CTNNA2: variants seen among roughly 807,000 people sequenced by gnomAD.
CTNNA2 encodes the protein catenin alpha 2.
Under a neutral mutation model 101.0 loss-of-function variants are expected in CTNNA2, and 42 were observed. The ratio of observed to expected loss-of-function variants is 0.42; its 90% CI spans 0.32 to 0.54. CTNNA2 has a LOEUF of 0.54. Among genes scored for constraint, CTNNA2 ranks in the 20% least tolerant of loss-of-function variants. The pLI is 0.14. For synonymous variants in CTNNA2, 450 were observed against 456.4 expected (o/e 0.99, Z 0.18); for missense variants, 871 against 1,223.1 (o/e 0.71, Z 4.29).
chr2:80,170,958 A>C (rs1400291140), intron 7 of CTNNA2, among the ~76,000 whole-genome samples: 2 of 152,186 alleles, frequency 1.3e-5, no homozygotes, highest in Non-Finnish European at 1.5e-5. Flanking sequence ...GTTTAATAAA[A>C]CTAGGTGCTC....
At chr2:79,649,369 C>A (rs759925236) in intron 1 of CTNNA2, 2 of 154,732 alleles carry the variant, frequency 1.3e-5, no homozygotes, top group Non-Finnish European at 2.9e-5. Context: ...TCCTACAGAA[C>A]TTCCGTGTTC....
intron 1 of CTNNA2, among the ~76,000 whole-genome samples, chr2:79,597,365 C>T (rs1020700424): frequency 1.3e-5 from 2 of 151,178 alleles, no homozygotes; most frequent in East Asian, 2.0e-4. Flanking sequence ...CCAGCTACTC[C>T]GGAGGCTGAG....
At chr2:80,560,416 C>G (rs1356426865) in intron 12 of CTNNA2, among the ~76,000 whole-genome samples, 3 of 152,146 alleles carry the variant, frequency 2.0e-5, no homozygotes, top group African/African-American at 7.2e-5. Context: ...TGACCTTAAA[C>G]AAATCAGTTA....
At chr2:80,337,092 A>ACCC (rs1296437735) in intron 7 of CTNNA2, among the ~76,000 whole-genome samples, 1 of 152,136 alleles carries the variant, frequency 6.6e-6, no homozygotes, top group Non-Finnish European at 1.5e-5. Context: ...ACGGTGGCTT[A>ACCC]CCCCTGTAAT....
intron 7 of CTNNA2, among the ~76,000 whole-genome samples, chr2:79,956,612 C>T (rs146489452): frequency 2.2e-3 from 340 of 152,164 alleles, no homozygotes; most frequent in Non-Finnish European, 3.9e-3. Flanking sequence ...TAAGCTTTAG[C>T]GATGAGAGAG....
At chr2:79,234,726 T>A (rs1674534924) in intron 2 of CTNNA2, among the ~76,000 whole-genome samples, 1 of 152,254 alleles carries the variant, frequency 6.6e-6, no homozygotes, top group Non-Finnish European at 1.5e-5. Flanking sequence ...TTGTTCATTT[T>A]GTAAAATTCT....
chr2:80,201,068 C>G (rs1707176147), intron 7 of CTNNA2, among the ~76,000 whole-genome samples: 1 of 152,108 alleles, frequency 6.6e-6, no homozygotes, highest in Admixed American at 6.5e-5. Context: ...CTGCACACAT[C>G]CTCTCATTTA....
At chr2:79,336,424 C>A (rs142787943) in intron 3 of CTNNA2, among the ~76,000 whole-genome samples, 93 of 152,242 alleles carry the variant, frequency 6.1e-4, no homozygotes, top group African/African-American at 2.0e-3. Context: ...CTTATGATAG[C>A]CTTGCCATAT....
intron 1 of CTNNA2, among the ~76,000 whole-genome samples, chr2:79,589,429 C>T (rs1676702281): frequency 6.6e-6 from 1 of 152,190 alleles, no homozygotes; most frequent in African/African-American, 2.4e-5. Flanking sequence ...CCTTTATATA[C>T]TTAATAAAAT....
At chr2:79,413,744 A>T (rs550373426) in intron 4 of CTNNA2, among the ~76,000 whole-genome samples, 5 of 151,998 alleles carry the variant, frequency 3.3e-5, no homozygotes, top group African/African-American at 1.2e-4. Flanking sequence ...CATATTTTTG[A>T]TAATAGCTGG....
rs186948229 is a variant in CTNNA2 at position 80,538,374 on chromosome 2, T to G, written c.1291-6608T>G. 4.1e-3 allele frequency among the ~76,000 whole-genome samples: 623 copies of G among 152,358 alleles called. 6 individuals are homozygous for G. The highest frequency in any genetic ancestry group is 0.014 in the African/African-American group (591 of 41,586). On this transcript the variant is annotated intron_variant, in intron 9 of 18. Coordinates refer to ENST00000402739, the MANE Select transcript of CTNNA2 (RefSeq NM_001282597.3). ...TGGTTTTGGGTTTTACATTTAAGTC[T>G]TTAATCCATCTTGAGTTAATTTTTG...
At chr2:79,879,114 A>G (rs188028409) in intron 6 of CTNNA2, among the ~76,000 whole-genome samples, 13 of 152,294 alleles carry the variant, frequency 8.5e-5, no homozygotes, top group African/African-American at 3.1e-4. Context: ...AGATTTGTCA[A>G]AGATCAGATG....
At chr2:80,247,651 G>A (rs936673421) in intron 7 of CTNNA2, among the ~76,000 whole-genome samples, 1 of 151,938 alleles carries the variant, frequency 6.6e-6, no homozygotes, top group Non-Finnish European at 1.5e-5. Flanking sequence ...CTCAAACCTT[G>A]TTTTTCCATT....
chr2:79,338,591 T>TCTTCTTCTTCTC (rs1677056332), intron 3 of CTNNA2, among the ~76,000 whole-genome samples: 1 of 137,558 alleles, frequency 7.3e-6, no homozygotes, highest in Non-Finnish European at 1.5e-5. Context: ...TTCTTCTTCT[T>TCTTCTTCTTCTC]CTTCTTCTTC....
intron 7 of CTNNA2, among the ~76,000 whole-genome samples, chr2:80,105,104 G>A (rs1700796566): frequency 6.6e-6 from 1 of 152,166 alleles, no homozygotes; most frequent in African/African-American, 2.4e-5. Context: ...AGGACCAGGA[G>A]TTGCCTAAAT....
rs1225980733 is a variant in CTNNA2 at position 80,383,096 on chromosome 2, C to T, written c.1057-10115C>T. Among the ~76,000 whole-genome samples, 3 of 152,094 alleles carry T rather than the reference C, an allele frequency of 2.0e-5. No homozygotes were observed. In the East Asian group the frequency reaches 5.8e-4, roughly 29 times the overall value. On this transcript the variant is annotated intron_variant, in intron 7 of 18. Coordinates refer to ENST00000402739, the MANE Select transcript of CTNNA2 (RefSeq NM_001282597.3). ...TTAACCCCAGCTTTTAGCAATCACC[C>T]AAGCTCAGGGGGTTGGCACTATGAA...
chr2:80,035,921 A>G (rs139632541), intron 7 of CTNNA2, among the ~76,000 whole-genome samples: 123 of 152,302 alleles, frequency 8.1e-4, no homozygotes, highest in African/African-American at 2.7e-3. Context: ...GGCCAATTCA[A>G]TTTCCTCCTA....
intron 7 of CTNNA2, among the ~76,000 whole-genome samples, chr2:79,996,615 G>A (rs1163592100): frequency 6.6e-6 from 1 of 152,146 alleles, no homozygotes; most frequent in Non-Finnish European, 1.5e-5. Context: ...GAGCACTTGA[G>A]CACTTATACA....
rs193142140 is a variant in CTNNA2 at position 79,894,234 on chromosome 2, C to G, written c.853-15360C>G. 1.8e-3 allele frequency among the ~76,000 whole-genome samples: 275 copies of G among 152,160 alleles called. 3 individuals are homozygous for G. Among genetic ancestry groups the G allele is most frequent in the African/African-American group, 6.3e-3 (261 of 41,494 alleles). On this transcript the variant is annotated intron_variant, in intron 6 of 18. Transcript: ENST00000402739. ...TATGAATTCAGTTCCCTTTAGAACT[C>G]TTGATTTGTTTCTCCCATCTTCATG...
Sources: allele counts gnomAD v4.1 joint callset (sites outside exome capture counted in the v4.1 genomes callset), GRCh38; gene constraint gnomAD v4.1.1; transcripts MANE v1.5; gene names NCBI Gene and HGNC (gene_info 2026-07-23, HGNC 2026-07-21).